The following MSN variants were observed in gnomAD, a reference collection of about 807,000 sequenced individuals.
MSN encodes moesin.
In MSN, 2 loss-of-function variants were observed where a neutral mutation model predicts 48.0. That is an observed-to-expected ratio of 0.04 (90% CI 0.02 to 0.13). MSN has a LOEUF of 0.13. Among genes scored for constraint, MSN ranks in the 10% least tolerant of loss-of-function variants. MSN has a pLI of 1.00. For missense variants in MSN, 267 were observed against 470.1 expected, an observed-to-expected ratio of 0.57 and a Z score of 3.99; for synonymous variants, 146 against 166.9, an observed-to-expected ratio of 0.87 and a Z score of 0.97.
chrX:65,628,913 A>C (rs1211723375), intron 1 of MSN, among the ~76,000 whole-genome samples: 1 of 109,109 alleles, frequency 9.2e-6, no homozygotes, highest in Non-Finnish European at 1.9e-5. Context: ...AAAAATACAA[A>C]AAATTAGCCA....
intron 2 of MSN, among the ~76,000 whole-genome samples, chrX:65,724,755 C>G (rs2071551191): frequency 9.0e-6 from 1 of 111,343 alleles, no homozygotes; most frequent in African/African-American, 3.3e-5. Context: ...GGTGCAATCT[C>G]AGCTCACTGC....
At chrX:65,683,421 C>G (rs1347193228) in intron 1 of MSN, among the ~76,000 whole-genome samples, 3 of 102,500 alleles carry the variant, frequency 2.9e-5, no homozygotes, top group Non-Finnish European at 6.0e-5. Context: ...ACCACCACCA[C>G]CACCACCACC....
At chrX:65,632,348 C>A (rs1042192221) in intron 1 of MSN, among the ~76,000 whole-genome samples, 1 of 111,759 alleles carries the variant, frequency 8.9e-6, no homozygotes, top group African/African-American at 3.3e-5. Context: ...GCTAACCTCT[C>A]GATTTTGGAC....
At chrX:65,633,288 A>T (rs111653152) in intron 1 of MSN, among the ~76,000 whole-genome samples, 2,724 of 111,609 alleles carry the variant, frequency 0.024, 95 homozygotes, top group African/African-American at 0.084. Context: ...TTCTGCCCAG[A>T]TGCCCACTGG....
chrX:65,701,135 T>C (rs1013107358), intron 1 of MSN, among the ~76,000 whole-genome samples: 1 of 111,819 alleles, frequency 8.9e-6, no homozygotes, highest in African/African-American at 3.3e-5. Context: ...AAAGAGTGAA[T>C]GTGGAGTGTT....
intron 1 of MSN, among the ~76,000 whole-genome samples, chrX:65,639,223 G>A (rs1181231208): frequency 9.1e-6 from 1 of 110,416 alleles, no homozygotes; most frequent in African/African-American, 3.3e-5. Flanking sequence ...GGCTCACTGC[G>A]ACCTCCGCTT....
intron 1 of MSN, among the ~76,000 whole-genome samples, chrX:65,608,950 A>G (rs5964990): frequency 9.0e-6 from 1 of 111,045 alleles, no homozygotes; most frequent in Non-Finnish European, 1.9e-5. Flanking sequence ...AGCTCATTAA[A>G]TGTCTACCAA....
At chrX:65,701,387 T>G (rs2071302182) in intron 1 of MSN, among the ~76,000 whole-genome samples, 1 of 111,788 alleles carries the variant, frequency 8.9e-6, no homozygotes, top group Non-Finnish European at 1.9e-5. Flanking sequence ...TGCTGGGTGC[T>G]AACCTCAAGG....
At position 65,658,904 on chromosome X, in the gene MSN, G is replaced by A. The variant is rs1464957700; in HGVS notation, c.-21-57914G>A. Reference sequence around the variant, plus strand: ...CTGTCACCCAGGCTGGAGTGCAATGGCGCAACCTTGGCTCACTGCAACCTC... The same window carrying A: ...CTGTCACCCAGGCTGGAGTGCAATGACGCAACCTTGGCTCACTGCAACCTC... On this transcript the variant is annotated intron_variant, in intron 1 of 3. Coordinates refer to the MSN transcript ENST00000609672. Among the ~76,000 whole-genome samples, 5 of 108,770 alleles carry A rather than the reference G, an allele frequency of 4.6e-5. No individual in the cohort carries two copies. The East Asian group carries it at 1.1e-3, about 25-fold the overall frequency. The allele number at this position is 108,770 out of a possible 115,157, so 94.5% of individuals were successfully genotyped here.
chrX:65,588,579 C>T (rs1356760587), exon 1 of MSN: 2 of 802,198 alleles, frequency 2.5e-6, no homozygotes, highest in East Asian at 7.1e-5. Flanking sequence ...AGTCCCTTAA[C>T]TGCCAGTGTT....
At chrX:65,677,061 C>T (rs758509935) in intron 1 of MSN, among the ~76,000 whole-genome samples, 1 of 111,480 alleles carries the variant, frequency 9.0e-6, no homozygotes, top group South Asian at 3.7e-4. Flanking sequence ...CTCCTGACCT[C>T]GGGTGATCTG....
chrX:65,620,414 G>A (rs1277945881), intron 1 of MSN, among the ~76,000 whole-genome samples: 1 of 113,854 alleles, frequency 8.8e-6, no homozygotes, highest in Admixed American at 9.2e-5. Context: ...CTCGCGGTGC[G>A]CCGCTTTCCA....
At chrX:65,719,227 G>A (rs2071494618) in intron 2 of MSN, among the ~76,000 whole-genome samples, 1 of 111,874 alleles carries the variant, frequency 8.9e-6, no homozygotes, top group Admixed American at 9.5e-5. Flanking sequence ...ATGAATCTTG[G>A]GCTGTAGGGT....
At chrX:65,719,995 G>C (rs1016724910) in intron 2 of MSN, among the ~76,000 whole-genome samples, 2 of 111,775 alleles carry the variant, frequency 1.8e-5, no homozygotes, top group African/African-American at 6.5e-5. Flanking sequence ...GGGAACCCCA[G>C]ATAGTAGGGA....
intron 2 of MSN, among the ~76,000 whole-genome samples, chrX:65,721,044 A>C (rs964845971): frequency 2.7e-5 from 3 of 112,271 alleles, no homozygotes; most frequent in Non-Finnish European, 5.6e-5. Flanking sequence ...ATCTCAAAGC[A>C]TCGATTCATT....
At chrX:65,649,110 G>A (rs189054074) in intron 1 of MSN, among the ~76,000 whole-genome samples, 1,117 of 108,149 alleles carry the variant, frequency 0.01, 51 homozygotes, top group Admixed American at 0.095. Flanking sequence ...GTTGCCGAAA[G>A]GCAGAGTGTA....
intron 1 of MSN, among the ~76,000 whole-genome samples, chrX:65,634,044 C>T (rs2070579375): frequency 9.0e-6 from 1 of 111,399 alleles, no homozygotes; most frequent in East Asian, 2.8e-4. Flanking sequence ...TGACTAGCTC[C>T]CATGACCCAA....
intron 1 of MSN, among the ~76,000 whole-genome samples, chrX:65,608,897 C>G (rs1351133270): frequency 1.8e-5 from 2 of 110,201 alleles, no homozygotes; most frequent in Non-Finnish European, 3.8e-5. Context: ...TGGTTACTAC[C>G]ATGATTCTGG....
intron 1 of MSN, among the ~76,000 whole-genome samples, chrX:65,627,459 G>A (rs2070517101): frequency 9.0e-6 from 1 of 110,847 alleles, no homozygotes; most frequent in Non-Finnish European, 1.9e-5. Context: ...AAGAGAAAAT[G>A]AGAGAGAAGC....
Sources: allele counts gnomAD v4.1 joint callset (sites outside exome capture counted in the v4.1 genomes callset), GRCh38; gene constraint gnomAD v4.1.1; transcripts MANE v1.5; gene names NCBI Gene and HGNC (gene_info 2026-07-23, HGNC 2026-07-21).